Variants in CCDC102B observed in about 807,000 individuals in gnomAD.
CCDC102B encodes coiled-coil domain-containing protein 102B.
In CCDC102B, 75 loss-of-function variants were observed where a neutral mutation model predicts 57.4. The observed-to-expected ratio is 1.31, with a 90% CI of 1.08 to 1.58. The LOEUF (loss-of-function observed/expected upper bound fraction) is 1.58, where lower values mean the gene tolerates loss of function less well. Ranked by LOEUF, CCDC102B falls within the 40% of genes most tolerant of loss-of-function variation. The pLI, the probability that CCDC102B is intolerant of heterozygous loss-of-function variation, is 0.00. For missense variants in CCDC102B, 636 were observed against 582.6 expected (o/e 1.09, Z -0.94); for synonymous variants, 206 against 201.9 (o/e 1.02, Z -0.17).
chr18:68,978,341 A>G (rs1310540226), intron 6 of CCDC102B, among the ~76,000 whole-genome samples: 3 of 152,056 alleles, frequency 2.0e-5, no homozygotes, highest in Non-Finnish European at 4.4e-5. Flanking sequence ...CAAACATTGA[A>G]ATAAATGTAA....
intron 7 of CCDC102B, among the ~76,000 whole-genome samples, chr18:69,037,822 A>G (rs2052334814): frequency 6.6e-6 from 1 of 152,024 alleles, no homozygotes; most frequent in Non-Finnish European, 1.5e-5. Context: ...ACGGAGTCTA[A>G]TTTGTAGCAC....
intron 6 of CCDC102B, among the ~76,000 whole-genome samples, chr18:68,927,325 A>G (rs1036826343): frequency 5.9e-5 from 9 of 152,006 alleles, no homozygotes; most frequent in African/African-American, 2.2e-4. Flanking sequence ...TCAATTAAGC[A>G]TTTATCCATT....
chr18:68,836,322 A>T (rs1280786448), intron 1 of CCDC102B, among the ~76,000 whole-genome samples: 1 of 152,136 alleles, frequency 6.6e-6, no homozygotes, highest in African/African-American at 2.4e-5. Flanking sequence ...GTTACACTGG[A>T]AAAATATGCA....
chr18:68,985,435 T>G (rs1027225220), intron 6 of CCDC102B, among the ~76,000 whole-genome samples: 2 of 152,152 alleles, frequency 1.3e-5, no homozygotes, highest in Admixed American at 6.5e-5. Context: ...ATAGAAATAC[T>G]CTAGATCTAT....
At chr18:69,053,093 G>A (rs1041346791) in intron 7 of CCDC102B, among the ~76,000 whole-genome samples, 3 of 151,618 alleles carry the variant, frequency 2.0e-5, no homozygotes, top group Non-Finnish European at 4.4e-5. Context: ...GCATCACAGG[G>A]CTGGAGACAA....
chr18:68,962,091 A>G (rs1469059009), intron 6 of CCDC102B, among the ~76,000 whole-genome samples: 2 of 152,112 alleles, frequency 1.3e-5, no homozygotes, highest in African/African-American at 4.8e-5. Flanking sequence ...TCACAATGTT[A>G]TCCTCAGAAT....
chr18:68,815,479 G>A (rs1320364041), intron 1 of CCDC102B, among the ~76,000 whole-genome samples: 1 of 152,100 alleles, frequency 6.6e-6, no homozygotes, highest in Admixed American at 6.5e-5. Flanking sequence ...GGATAAATAA[G>A]ATACAAGTTC....
chr18:68,999,761 T>C (rs1156861127), intron 6 of CCDC102B, among the ~76,000 whole-genome samples: 1 of 152,244 alleles, frequency 6.6e-6, no homozygotes, highest in Non-Finnish European at 1.5e-5. Context: ...CCTTAGATTC[T>C]CCTAACTCTG....
intron 4 of CCDC102B, among the ~76,000 whole-genome samples, chr18:68,856,866 T>G (rs2144856349): frequency 6.7e-6 from 1 of 150,304 alleles, no homozygotes; most frequent in South Asian, 2.1e-4. Context: ...TTATATGTGT[T>G]TTTTATATAT....
At chr18:68,774,652 T>C (rs2144620326) in intron 2 of CCDC102B, among the ~76,000 whole-genome samples, 1 of 152,230 alleles carries the variant, frequency 6.6e-6, no homozygotes, top group South Asian at 2.1e-4. Context: ...GATCACTGTG[T>C]GTCTACATGC....
At chr18:68,927,587 A>G (rs917715685) in intron 6 of CCDC102B, among the ~76,000 whole-genome samples, 11 of 151,962 alleles carry the variant, frequency 7.2e-5, no homozygotes, top group African/African-American at 2.7e-4. Context: ...ATTGATTTAA[A>G]TTTCAACAAT....
intron 6 of CCDC102B, among the ~76,000 whole-genome samples, chr18:68,974,177 A>C (rs1408280517): frequency 2.0e-5 from 3 of 152,042 alleles, no homozygotes. Context: ...TATGGGAGCT[A>C]TTCAGGTCAT....
intron 2 of CCDC102B, among the ~76,000 whole-genome samples, chr18:68,739,210 G>A (rs1026007660): frequency 6.6e-6 from 1 of 152,106 alleles, no homozygotes; most frequent in Non-Finnish European, 1.5e-5. Context: ...TGGCCAGGCT[G>A]GTCTCAAACT....
chr18:68,725,378 G>A (rs1019757910), intron 2 of CCDC102B, among the ~76,000 whole-genome samples: 5 of 152,198 alleles, frequency 3.3e-5, no homozygotes, highest in African/African-American at 9.6e-5. Context: ...CATTCAGCTA[G>A]TCTTTCTACT....
chr18:68,925,918 AAAC>A (rs1266729195), intron 6 of CCDC102B, among the ~76,000 whole-genome samples: 7 of 151,944 alleles, frequency 4.6e-5, no homozygotes, highest in South Asian at 2.1e-4. Context: ...TTTTTAAAGA[AAAC>A]AATAAAACAA....
At chr18:69,046,587 C>G (rs1568147971) in intron 7 of CCDC102B, among the ~76,000 whole-genome samples, 1 of 152,028 alleles carries the variant, frequency 6.6e-6, no homozygotes, top group East Asian at 1.9e-4. Context: ...TTCAGAAGGT[C>G]TTTACTTTAA....
upstream of CCDC102B, among the ~76,000 whole-genome samples, chr18:68,797,393 A>G (rs867772187): frequency 1.4e-4 from 22 of 152,104 alleles, no homozygotes; most frequent in East Asian, 1.9e-4. Context: ...TTTCAACCAG[A>G]GAAGCTCTTT....
chr18:68,883,259 A>C (rs73462049), intron 5 of CCDC102B, among the ~76,000 whole-genome samples: 6 of 152,000 alleles, frequency 3.9e-5, no homozygotes, highest in African/African-American at 1.2e-4. Flanking sequence ...AAAATACAAA[A>C]AAATTGCCAG....
At chr18:68,909,586 T>C (rs1220684498) in intron 6 of CCDC102B, among the ~76,000 whole-genome samples, 1 of 152,204 alleles carries the variant, frequency 6.6e-6, no homozygotes, top group Admixed American at 6.6e-5. Context: ...TTTTTAAAAA[T>C]AGGAATAGAC....
Sources: gnomAD v4.1 joint callset for allele counts (sites outside exome capture counted in the v4.1 genomes callset) on GRCh38, gnomAD v4.1.1 for gene constraint, MANE v1.5 for transcripts, NCBI Gene and HGNC (gene_info 2026-07-23, HGNC 2026-07-21) for gene names.